The following LRRN2 variants were observed in gnomAD, a reference collection of about 807,000 sequenced individuals.
LRRN2 encodes leucine rich repeat neuronal 2.
In LRRN2, 10 loss-of-function variants were observed where a neutral mutation model predicts 35.7. That is an observed-to-expected ratio of 0.28 (90% CI 0.17 to 0.47). LRRN2 has a LOEUF of 0.47. LRRN2 is among the 20% of genes least tolerant of loss of function. The pLI, the probability that LRRN2 is intolerant of heterozygous loss-of-function variation, is 0.99. For missense variants in LRRN2, 731 were observed against 940.3 expected, an observed-to-expected ratio of 0.78 and a Z score of 2.91; for synonymous variants, 391 against 409.6, an observed-to-expected ratio of 0.95 and a Z score of 0.55.
intron 1 of LRRN2, among the ~76,000 whole-genome samples, chr1:204,657,269 C>T (rs1296598120): frequency 1.3e-5 from 2 of 151,918 alleles, no homozygotes; most frequent in African/African-American, 4.8e-5. Flanking sequence ...CACCCCATTG[C>T]ACTCCAGCCT....
chr1:204,639,044 C>T (rs555002031), intron 1 of LRRN2, among the ~76,000 whole-genome samples: 1 of 152,236 alleles, frequency 6.6e-6, no homozygotes, highest in African/African-American at 2.4e-5. Context: ...GGCACGGCCC[C>T]CTGGGTAGCT....
intron 1 of LRRN2, chr1:204,628,851 G>A (rs1214033193): frequency 2.0e-5 from 3 of 152,384 alleles, no homozygotes; most frequent in Non-Finnish European, 4.4e-5. Flanking sequence ...CTGGCTTAGG[G>A]GAGCAGCTCC....
At chr1:204,625,946 G>T (rs1244640417) in intron 1 of LRRN2, among the ~76,000 whole-genome samples, 1 of 152,200 alleles carries the variant, frequency 6.6e-6, no homozygotes, top group East Asian at 1.9e-4. Flanking sequence ...CCTGGGCCTG[G>T]GAGTGCCATG....
At position 204,618,795 on chromosome 1, in the gene LRRN2, G is replaced by T; in HGVS notation, c.1198C>A (p.Pro400Thr). The T allele has an allele frequency of 6.2e-7, 1 of 1,614,040 alleles. No individual in the cohort carries two copies. Among genetic ancestry groups the T allele is most frequent in the Non-Finnish European group, 8.5e-7 (1 of 1,180,014 alleles). Reference sequence around the variant, plus strand: ...ACCGGGAGGCGCTGGAGGTCCGGAGGCTCCGCACACAGGGTGGATTGCGGC... The same window carrying T: ...ACCGGGAGGCGCTGGAGGTCCGGAGTCTCCGCACACAGGGTGGATTGCGGC... ...IEPQSTLCAE[P>T]PDLQRLPVRE... The change falls in exon 2 of 2, where the codon CCT becomes ACT. Residue 400 changes from proline to threonine, a missense_variant. By Grantham distance (38) the Pro-to-Thr change is conservative (BLOSUM62 -1). This residue lies in a region of LRRN2 where 256 missense variants were observed against 392.4 expected (regional missense o/e 0.65). Transcript: ENST00000367177.
intron 1 of LRRN2, among the ~76,000 whole-genome samples, chr1:204,666,180 C>A (rs1668571258): frequency 6.6e-6 from 1 of 152,202 alleles, no homozygotes; most frequent in African/African-American, 2.4e-5. Flanking sequence ...TTTACTGCCC[C>A]AATTTTCCTT....
At chr1:204,621,767 G>A (rs1666910674) in intron 1 of LRRN2, 1 of 167,054 alleles carries the variant, frequency 6.0e-6, no homozygotes, top group Non-Finnish European at 1.5e-5. Context: ...AACCAAAGAT[G>A]GAAACAAAAA....
chr1:204,639,299 A>G (rs898334084), intron 1 of LRRN2, among the ~76,000 whole-genome samples: 1 of 152,212 alleles, frequency 6.6e-6, no homozygotes, highest in African/African-American at 2.4e-5. Flanking sequence ...CCAGACATGT[A>G]CAGAGAAACA....
At position 204,648,011 on chromosome 1, in the gene LRRN2, T is replaced by TA. The variant is rs1407284633; in HGVS notation, c.-226-27794dup. Among the ~76,000 whole-genome samples, 8 of 152,366 alleles carry TA rather than the reference T, an allele frequency of 5.3e-5. No individual in the cohort carries two copies. In the East Asian group the frequency reaches 1.5e-3, roughly 29 times the overall value. On this transcript the variant is annotated intron_variant, in intron 1 of 1. Transcript: ENST00000367177. ...GCTTGCATTATATTTCTATTGAACA[T>TA]ACATTTCTATATTCTGACAGACTGT...
At position 204,631,256 on chromosome 1, in the gene LRRN2, CTATATATATATATA is replaced by C. The variant is rs1162626713; in HGVS notation, c.-226-11052_-226-11039del. On this transcript the variant is annotated intron_variant, in intron 1 of 1. Transcript: ENST00000367177. ...CAAGAAGAGTGATACCTAGAGTGTT[CTATATATATATATA>C]TATATATATATATATATATATATAT... Among the ~76,000 whole-genome samples the C allele has an allele frequency of 7.8e-3, 289 of 36,916 alleles. 16 individuals are homozygous for C. Among genetic ancestry groups the C allele is most frequent in the South Asian group, 0.014 (13 of 928 alleles). 24.2% of individuals were successfully genotyped at this position (36,916 alleles called of 152,430 possible).
At chr1:204,667,350 T>G (rs930260148) in intron 1 of LRRN2, among the ~76,000 whole-genome samples, 1 of 152,196 alleles carries the variant, frequency 6.6e-6, no homozygotes, top group African/African-American at 2.4e-5. Context: ...TTTCTTTGCT[T>G]GTCCAGTTAA....
Position 204,631,256 on chromosome 1 carries a change from CTATATATATATATATATATATA to C in LRRN2, c.-226-11060_-226-11039del, listed in dbSNP as rs1162626713. Among the ~76,000 whole-genome samples the C allele has an allele frequency of 1.6e-3, 58 of 36,918 alleles. 4 individuals carry two copies. The East Asian group carries it at 0.017, about 11-fold the overall frequency. 24.2% of individuals were successfully genotyped at this position (36,918 alleles called of 152,430 possible). A position where few individuals can be genotyped will look rare whatever the true frequency, so the allele number is the denominator to read the frequency against. ...CAAGAAGAGTGATACCTAGAGTGTTCTATATATATATATATATATATATATATATATATATATATATATATAT... is the reference window on the plus strand; with the variant it reads ...CAAGAAGAGTGATACCTAGAGTGTTCTATATATATATATATATATATATAT... On this transcript the variant is annotated intron_variant, in intron 1 of 1. Coordinates refer to ENST00000367177, the MANE Select transcript of LRRN2 (RefSeq NM_201630.2).
chr1:204,637,556 TGA>T (rs1377362402), intron 1 of LRRN2, among the ~76,000 whole-genome samples: 1 of 152,184 alleles, frequency 6.6e-6, no homozygotes, highest in Admixed American at 6.5e-5. Context: ...CAGATGCCCC[TGA>T]GTCTCCCAGT....
At chr1:204,671,395 TTG>T (rs1283425228) in intron 1 of LRRN2, among the ~76,000 whole-genome samples, 2 of 141,434 alleles carry the variant, frequency 1.4e-5, no homozygotes, top group Non-Finnish European at 3.0e-5. Context: ...AGCAATCTGT[TTG>T]TGTGTTTGTG....
intron 1 of LRRN2, chr1:204,621,581 G>T (rs1666900280): frequency 6.0e-6 from 1 of 167,100 alleles, no homozygotes; most frequent in African/African-American, 2.4e-5. Flanking sequence ...CCCAGTGTGT[G>T]TTGATTGTAT....
chr1:204,679,728 C>T lies in LRRN2; in HGVS notation c.-227+5592G>A, dbSNP rs534630346. Among the ~76,000 whole-genome samples, 8 of 152,362 alleles carry T rather than the reference C, an allele frequency of 5.3e-5. No individual in the cohort carries two copies. The South Asian group carries it at 1.7e-3, about 32-fold the overall frequency. On this transcript the variant is annotated intron_variant, in intron 1 of 1. Coordinates refer to ENST00000367177, the MANE Select transcript of LRRN2 (RefSeq NM_201630.2). ...TTCTCACGTCTCCCAGCAAGCCACC[C>T]TTGCATTGGTTCCCACCATGTGTCC...
At chr1:204,668,153 A>G (rs1668611551) in intron 1 of LRRN2, among the ~76,000 whole-genome samples, 1 of 152,080 alleles carries the variant, frequency 6.6e-6, no homozygotes, top group Admixed American at 6.5e-5. Context: ...TCCAAACCAA[A>G]CTGCACATGA....
intron 1 of LRRN2, among the ~76,000 whole-genome samples, chr1:204,643,197 A>G (rs1668020855): frequency 6.6e-6 from 1 of 152,180 alleles, no homozygotes; most frequent in South Asian, 2.1e-4. Flanking sequence ...GGGTCAGAAA[A>G]GGAGACATCG....
At chr1:204,637,695 T>TG (rs1667868161) in intron 1 of LRRN2, among the ~76,000 whole-genome samples, 1 of 120,236 alleles carries the variant, frequency 8.3e-6, no homozygotes, top group Non-Finnish European at 1.8e-5. Flanking sequence ...TGTGTGTGTT[T>TG]GGGGGCAGTC....
chr1:204,682,700 G>A (rs1031590885), intron 1 of LRRN2, among the ~76,000 whole-genome samples: 22 of 152,228 alleles, frequency 1.4e-4, no homozygotes, highest in African/African-American at 5.3e-4. Flanking sequence ...TTCTCTGTCT[G>A]AAGCACCAGC....
Sources: allele counts gnomAD v4.1 joint callset (sites outside exome capture counted in the v4.1 genomes callset), GRCh38; gene constraint gnomAD v4.1.1; regional missense constraint gnomAD v4.1.1; transcripts MANE v1.5; gene names NCBI Gene and HGNC (gene_info 2026-07-23, HGNC 2026-07-21).